DLC1: variants seen among roughly 807,000 people sequenced by gnomAD.
The protein encoded by DLC1 is rho GTPase-activating protein 7.
Under a neutral mutation model 140.3 loss-of-function variants are expected in DLC1, and 54 were observed. The observed-to-expected ratio is 0.38, with a 90% CI of 0.31 to 0.48. DLC1 has a LOEUF of 0.48. Ranked by LOEUF, DLC1 falls within the 20% of genes least tolerant of loss-of-function variation. DLC1 has a pLI of 0.96. For synonymous variants in DLC1, 986 were observed against 728.1 expected (o/e 1.35, Z -5.70); for missense variants, 2,536 against 1,907.0 (o/e 1.33, Z -6.14).
intron 5 of DLC1, among the ~76,000 whole-genome samples, chr8:13,189,244 T>C (rs904070802): frequency 1.3e-5 from 2 of 152,216 alleles, no homozygotes; most frequent in Non-Finnish European, 2.9e-5. Context: ...ATTTCGTTTG[T>C]TTGTTTATGA....
intron 2 of DLC1, among the ~76,000 whole-genome samples, chr8:13,485,167 T>C (rs1334511413): frequency 6.6e-6 from 1 of 152,178 alleles, no homozygotes; most frequent in Non-Finnish European, 1.5e-5. Context: ...AGCAGGGATT[T>C]TGGAATTCTA....
chr8:13,291,441 TATTTGAGATG>T (rs200796564), intron 5 of DLC1, among the ~76,000 whole-genome samples: 7,641 of 152,276 alleles, frequency 0.05, 238 homozygotes, highest in South Asian at 0.12. Context: ...TAACTTCTAT[TATTTGAGATG>T]AACAAAATAA....
At chr8:13,329,835 T>C (rs1444937145) in intron 4 of DLC1, among the ~76,000 whole-genome samples, 3 of 152,228 alleles carry the variant, frequency 2.0e-5, no homozygotes, top group Non-Finnish European at 2.9e-5. Flanking sequence ...GTGGTAACTT[T>C]CATGTAGTAA....
At chr8:13,472,984 A>T (rs1800280466) in intron 2 of DLC1, among the ~76,000 whole-genome samples, 1 of 152,222 alleles carries the variant, frequency 6.6e-6, no homozygotes, top group South Asian at 2.1e-4. Flanking sequence ...AAAAAAAGAA[A>T]TATCTACCTT....
intron 2 of DLC1, among the ~76,000 whole-genome samples, chr8:13,446,622 GAGGGA>G (rs1048789509): frequency 3.9e-5 from 6 of 152,050 alleles, no homozygotes; most frequent in African/African-American, 1.4e-4. Context: ...GGGAGGAGGA[GAGGGA>G]AGGGAAGGGA....
chr8:13,444,805 A>C (rs550767916), intron 2 of DLC1, among the ~76,000 whole-genome samples: 4 of 152,202 alleles, frequency 2.6e-5, no homozygotes, highest in Non-Finnish European at 5.9e-5. Flanking sequence ...TAATCGTTCA[A>C]GGAAATTTTT....
chr8:13,177,782 T>A (rs1471593901), intron 5 of DLC1, among the ~76,000 whole-genome samples: 1 of 152,274 alleles, frequency 6.6e-6, no homozygotes, highest in African/African-American at 2.4e-5. Context: ...TAAAAACCAG[T>A]GCTACACCTG....
intron 2 of DLC1, among the ~76,000 whole-genome samples, chr8:13,436,519 T>A (rs141033511): frequency 6.6e-6 from 1 of 152,236 alleles, no homozygotes; most frequent in African/African-American, 2.4e-5. Context: ...TTCTTAGATT[T>A]TTTTTTAAAA....
intron 1 of DLC1, among the ~76,000 whole-genome samples, chr8:13,531,686 T>TCTTG (rs1180995639): frequency 6.6e-6 from 1 of 152,170 alleles, no homozygotes; most frequent in Non-Finnish European, 1.5e-5. Flanking sequence ...ATTTCTTCTC[T>TCTTG]CTTGCTAATA....
intron 5 of DLC1, among the ~76,000 whole-genome samples, chr8:13,270,764 T>A (rs1214481936): frequency 6.6e-6 from 1 of 152,108 alleles, no homozygotes; most frequent in Non-Finnish European, 1.5e-5. Context: ...GTTGAACCAC[T>A]TTTGCCCAAA....
intron 12 of DLC1, among the ~76,000 whole-genome samples, chr8:13,094,432 G>A (rs1306329874): frequency 2.6e-5 from 4 of 152,136 alleles, no homozygotes; most frequent in Non-Finnish European, 5.9e-5. Flanking sequence ...CTGGGAGGCC[G>A]AGGTGGGAGG....
rs756514489 is a variant in DLC1 at position 13,393,641 on chromosome 8, G to T, written c.1226C>A (p.Thr409Lys). 1 of 1,613,978 alleles carries T rather than the reference G, an allele frequency of 6.2e-7. No individual in the cohort carries two copies. Among genetic ancestry groups the T allele is most frequent in the Admixed American group, 1.7e-5 (1 of 59,970 alleles). ...AGTGTCAGAAGACAAATTTACTCGT[G>T]TCTGATTTACTGAAATGGTATCTGC... ...SGADTISVNQ[T>K]RVNLSSDTES... The change falls in exon 4 of 18, where the codon ACA becomes AAA. Residue 409 changes from threonine to lysine, a missense_variant. By Grantham distance (78) the Thr-to-Lys change is moderately conservative (BLOSUM62 -1). Coordinates refer to ENST00000276297, the MANE Select transcript of DLC1 (RefSeq NM_182643.3).
At chr8:13,586,688 GT>G (rs1465745248) in intron 1 of DLC1, among the ~76,000 whole-genome samples, 1 of 149,862 alleles carries the variant, frequency 6.7e-6, no homozygotes, top group Non-Finnish European at 1.5e-5. Flanking sequence ...CCCTTCTCTA[GT>G]TTTTTGAAAG....
At chr8:13,444,442 G>A (rs914523287) in intron 2 of DLC1, among the ~76,000 whole-genome samples, 10 of 152,014 alleles carry the variant, frequency 6.6e-5, no homozygotes, top group Middle Eastern at 3.2e-3. Flanking sequence ...AGAACTTAAC[G>A]TTTAATAATA....
intron 1 of DLC1, among the ~76,000 whole-genome samples, chr8:13,597,661 T>A (rs1332570392): frequency 6.6e-6 from 1 of 152,056 alleles, no homozygotes; most frequent in Admixed American, 6.6e-5. Context: ...TGCACACACA[T>A]GGGAGGCACT....
chr8:13,437,045 C>T (rs545030162), intron 2 of DLC1, among the ~76,000 whole-genome samples: 1 of 152,328 alleles, frequency 6.6e-6, no homozygotes, highest in East Asian at 1.9e-4. Context: ...TCAGTCATCT[C>T]TCAAATAGTT....
At chr8:13,127,092 G>C (rs1022726861) in intron 5 of DLC1, among the ~76,000 whole-genome samples, 7 of 152,152 alleles carry the variant, frequency 4.6e-5, no homozygotes, top group African/African-American at 1.7e-4. Context: ...TCTCAGTTTT[G>C]TGCCAAAAAG....
At chr8:13,569,674 G>T (rs775088199) in intron 1 of DLC1, among the ~76,000 whole-genome samples, 2 of 152,104 alleles carry the variant, frequency 1.3e-5, no homozygotes, top group Non-Finnish European at 2.9e-5. Flanking sequence ...TCAGCATACA[G>T]TTCCCAAATG....
At chr8:13,332,434 C>CTTT (rs5889435) in intron 4 of DLC1, among the ~76,000 whole-genome samples, 1,975 of 148,110 alleles carry the variant, frequency 0.013, 44 homozygotes, top group African/African-American at 0.039. Context: ...TTTCTTTTGT[C>CTTT]TTTTTTTTTT....
Sources: gnomAD v4.1 joint callset for allele counts (sites outside exome capture counted in the v4.1 genomes callset) on GRCh38, gnomAD v4.1.1 for gene constraint, MANE v1.5 for transcripts, NCBI Gene and HGNC (gene_info 2026-07-23, HGNC 2026-07-21) for gene names.